REDIC1: variants seen among roughly 807,000 people sequenced by gnomAD.
The protein encoded by REDIC1 is regulator of DNA class I crossover intermediates 1.
the REDIC1 span, among the ~76,000 whole-genome samples, chr12:39,899,248 G>C: frequency 2.0e-5 from 3 of 152,180 alleles, no homozygotes; most frequent in Admixed American, 6.5e-5. Context: ...ATTTCTTCTA[G>C]ATTTTCTAGT....
chr12:39,768,878 G>A, the REDIC1 span, among the ~76,000 whole-genome samples: 147,977 of 152,180 alleles, frequency 0.97, 71,946 homozygotes, highest in East Asian at 1. Flanking sequence ...AGAAACCTTC[G>A]GTTTGTAAAA....
chr12:39,798,663 G>A, the REDIC1 span, among the ~76,000 whole-genome samples: 7 of 152,120 alleles, frequency 4.6e-5, no homozygotes, highest in African/African-American at 7.2e-5. Context: ...GGAACAGCCC[G>A]GGCTAGTGCT....
At chr12:39,753,753 T>G in the REDIC1 span, among the ~76,000 whole-genome samples, 3 of 152,316 alleles carry the variant, frequency 2.0e-5, no homozygotes, top group African/African-American at 7.2e-5. Flanking sequence ...CAGTCCTTAC[T>G]ATATGCTACT....
At chr12:39,892,152 T>C in the REDIC1 span, among the ~76,000 whole-genome samples, 237 of 152,288 alleles carry the variant, frequency 1.6e-3, 2 homozygotes, top group African/African-American at 5.3e-3. Context: ...CTACTTACAT[T>C]GTAAGTAATA....
the REDIC1 span, among the ~76,000 whole-genome samples, chr12:39,798,124 C>G: frequency 3.3e-5 from 5 of 152,116 alleles, no homozygotes; most frequent in African/African-American, 1.2e-4. Context: ...GCCAAGCTGC[C>G]CAATGGAAAA....
chr12:39,727,536 T>A, the REDIC1 span, among the ~76,000 whole-genome samples: 4 of 152,110 alleles, frequency 2.6e-5, no homozygotes, highest in Admixed American at 2.6e-4. Context: ...CAGTACCATG[T>A]TGTTTTGGTT....
chr12:39,714,820 T>G, the REDIC1 span, among the ~76,000 whole-genome samples: 1 of 152,048 alleles, frequency 6.6e-6, no homozygotes, highest in South Asian at 2.1e-4. Flanking sequence ...ATTAGTGATA[T>G]TGAGCATTTT....
the REDIC1 span, among the ~76,000 whole-genome samples, chr12:39,821,441 A>G: frequency 6.6e-6 from 1 of 152,008 alleles, no homozygotes; most frequent in Non-Finnish European, 1.5e-5. Flanking sequence ...GTGCCCTTCC[A>G]CAGGAGAATC....
chr12:39,742,855 T>G, the REDIC1 span, among the ~76,000 whole-genome samples: 1 of 152,032 alleles, frequency 6.6e-6, no homozygotes, highest in African/African-American at 2.4e-5. Context: ...GACAGATGGA[T>G]AGAGAGAATT....
At chr12:39,877,101 T>C in the REDIC1 span, among the ~76,000 whole-genome samples, 1 of 152,168 alleles carries the variant, frequency 6.6e-6, no homozygotes, top group Non-Finnish European at 1.5e-5. Context: ...AAAATAATTA[T>C]ATTTTCCTAT....
At chr12:39,772,076 T>C in the REDIC1 span, among the ~76,000 whole-genome samples, 2 of 152,140 alleles carry the variant, frequency 1.3e-5, no homozygotes, top group Admixed American at 6.6e-5. Context: ...TCCTTTTCAC[T>C]TTCCTCATTT....
At chr12:39,849,800 A>G in the REDIC1 span, among the ~76,000 whole-genome samples, 1 of 152,046 alleles carries the variant, frequency 6.6e-6, no homozygotes, top group Non-Finnish European at 1.5e-5. Context: ...TTAATATTTC[A>G]AGGTCATAAA....
At chr12:39,799,253 CCTTTT>C in the REDIC1 span, among the ~76,000 whole-genome samples, 1 of 75,356 alleles carries the variant, frequency 1.3e-5, no homozygotes, top group African/African-American at 5.4e-5. Flanking sequence ...CTATGCTTAG[CCTTTT>C]TTTTTTTTTT....
the REDIC1 span, among the ~76,000 whole-genome samples, chr12:39,851,503 A>T: frequency 6.6e-6 from 1 of 152,232 alleles, no homozygotes; most frequent in Non-Finnish European, 1.5e-5. Context: ...TTAATCTATA[A>T]GCAAGATGGC....
At chr12:39,841,750 A>G in the REDIC1 span, among the ~76,000 whole-genome samples, 34 of 152,220 alleles carry the variant, frequency 2.2e-4, no homozygotes, top group South Asian at 6.2e-4. Context: ...AAAAAACAGT[A>G]ACTAATCTTC....
chr12:39,804,378 C>T, the REDIC1 span, among the ~76,000 whole-genome samples: 1 of 152,124 alleles, frequency 6.6e-6, no homozygotes, highest in Admixed American at 6.6e-5. Flanking sequence ...TGTGAAGCAA[C>T]ACTGATTAAT....
At chr12:39,631,458 T>C in the REDIC1 span, among the ~76,000 whole-genome samples, 1 of 152,142 alleles carries the variant, frequency 6.6e-6, no homozygotes, top group East Asian at 1.9e-4. Context: ...TTTTAATTGG[T>C]TATTTTTTTT....
the REDIC1 span, among the ~76,000 whole-genome samples, chr12:39,836,530 GA>G: frequency 4.0e-5 from 6 of 151,452 alleles, no homozygotes; most frequent in Non-Finnish European, 7.4e-5. Context: ...ATTCAATTAG[GA>G]AAAGAGGAAG....
the REDIC1 span, among the ~76,000 whole-genome samples, chr12:39,857,271 T>C: frequency 2.0e-5 from 3 of 152,230 alleles, no homozygotes; most frequent in South Asian, 4.1e-4. Context: ...TACTAAGTAC[T>C]GTGCTCATTA....
Sources: gnomAD v4.1 joint callset for allele counts (sites outside exome capture counted in the v4.1 genomes callset) on GRCh38, gnomAD v4.1.1 for gene constraint, MANE v1.5 for transcripts, NCBI Gene and HGNC (gene_info 2026-07-23, HGNC 2026-07-21) for gene names.